The following LPAR6 variants were observed in gnomAD, a reference collection of about 807,000 sequenced individuals.
LPAR6 encodes the protein lysophosphatidic acid receptor 6, also known as G-protein coupled purinergic receptor P2Y5.
Under a neutral mutation model 22.0 loss-of-function variants are expected in LPAR6, and 17 were observed. That is an observed-to-expected ratio of 0.77 (90% CI 0.53 to 1.16). The LOEUF (loss-of-function observed/expected upper bound fraction) is 1.16, where lower values mean the gene tolerates loss of function less well. Among genes scored for constraint, LPAR6 ranks in the 50% most tolerant of loss-of-function variants. LPAR6 has a pLI of 0.00. For missense variants in LPAR6, 384 were observed against 406.9 expected, an observed-to-expected ratio of 0.94 and a Z score of 0.48; for synonymous variants, 136 against 139.8, an observed-to-expected ratio of 0.97 and a Z score of 0.19.
chr13:48,409,868 C>G (rs985932482), downstream of LPAR6, among the ~76,000 whole-genome samples: 1 of 151,844 alleles, frequency 6.6e-6, no homozygotes, highest in Non-Finnish European at 1.5e-5. Context: ...TGTGAACCAC[C>G]GTGCCCGGCC....
intron 1 of LPAR6, among the ~76,000 whole-genome samples, chr13:48,400,648 G>A (rs1948683967): frequency 6.6e-6 from 1 of 152,062 alleles, no homozygotes; most frequent in Non-Finnish European, 1.5e-5. Flanking sequence ...GAGACCTGAG[G>A]TCCAGAGATG....
chr13:48,389,944 C>T (rs192092819), intron 1 of LPAR6: 1 of 152,292 alleles, frequency 6.6e-6, no homozygotes, highest in Admixed American at 6.5e-5. Context: ...TGCTTGAGCC[C>T]GAGTTCAAGA....
intron 1 of LPAR6, among the ~76,000 whole-genome samples, chr13:48,423,260 G>C (rs1949032121): frequency 6.6e-6 from 1 of 152,014 alleles, no homozygotes; most frequent in Non-Finnish European, 1.5e-5. Context: ...TGCTGGGTTG[G>C]GTTTTTGTTT....
chr13:48,404,549 G>A (rs1003415091), intron 1 of LPAR6, among the ~76,000 whole-genome samples: 2 of 151,844 alleles, frequency 1.3e-5, no homozygotes, highest in African/African-American at 4.8e-5. Context: ...TTTTTTTAAT[G>A]ACAGTCTCGC....
rs145540270 is a variant in LPAR6 at position 48,439,816 on chromosome 13, A to G, written c.-1474+4737T>C. 3 of 152,300 alleles carry G rather than the reference A, an allele frequency of 2.0e-5. No homozygotes were observed. In the East Asian group the frequency reaches 5.8e-4, roughly 29 times the overall value. The allele number at this position is 152,300 out of a possible 1,614,324, so 9.4% of individuals were successfully genotyped here. A position where few individuals can be genotyped will look rare whatever the true frequency, so the allele number is the denominator to read the frequency against. ...TTGAAAGAAGGCCTTTTTGAACCTA[A>G]GAAGACAAGAAATTGAACTGTTATC... On this transcript the variant is annotated intron_variant, in intron 1 of 6. Transcript: ENST00000378434.
chr13:48,417,396 A>G (rs1433740054), upstream of LPAR6: 1 of 152,224 alleles, frequency 6.6e-6, no homozygotes. Context: ...AACAAAAAGG[A>G]CTTCCACACA....
At chr13:48,419,702 G>T (rs1249127793) in intron 2 of LPAR6, among the ~76,000 whole-genome samples, 1 of 152,036 alleles carries the variant, frequency 6.6e-6, no homozygotes, top group African/African-American at 2.4e-5. Context: ...ATGCTAAAGG[G>T]GATATCACCA....
upstream of LPAR6, among the ~76,000 whole-genome samples, chr13:48,415,405 G>A (rs1192832995): frequency 2.0e-5 from 3 of 151,274 alleles, no homozygotes; most frequent in East Asian, 1.9e-4. Flanking sequence ...TCAGCCTCCC[G>A]AGTAGCTGGG....
chr13:48,423,298 G>A (rs1405128358), intron 1 of LPAR6, among the ~76,000 whole-genome samples: 2 of 151,988 alleles, frequency 1.3e-5, no homozygotes, highest in African/African-American at 2.4e-5. Context: ...TTTTTGAGAC[G>A]GAGTCTTGCT....
upstream of LPAR6, chr13:48,417,465 TGAG>T (rs902041525): frequency 7.9e-5 from 12 of 152,228 alleles, no homozygotes; most frequent in African/African-American, 2.9e-4. Flanking sequence ...TCCATGAAGA[TGAG>T]GAAAAACCAG....
chr13:48,432,039 A>G (rs952658994), intron 1 of LPAR6, among the ~76,000 whole-genome samples: 2 of 152,142 alleles, frequency 1.3e-5, no homozygotes, highest in African/African-American at 4.8e-5. Context: ...CAATTATACA[A>G]CTGGTCATAT....
downstream of LPAR6, among the ~76,000 whole-genome samples, chr13:48,409,856 G>T (rs1227944004): frequency 6.6e-6 from 1 of 152,024 alleles, no homozygotes; most frequent in South Asian, 2.1e-4. Context: ...TAGGATTACA[G>T]GTGTGAACCA....
upstream of LPAR6, among the ~76,000 whole-genome samples, chr13:48,414,215 T>G (rs1948868430): frequency 6.6e-6 from 1 of 151,898 alleles, no homozygotes; most frequent in Non-Finnish European, 1.5e-5. Context: ...AGGGCAATAG[T>G]GCGTGCCTGT....
chr13:48,423,557 G>T (rs2854344), intron 1 of LPAR6, among the ~76,000 whole-genome samples: 2 of 152,036 alleles, frequency 1.3e-5, no homozygotes, highest in African/African-American at 2.4e-5. Context: ...ATAAGACACC[G>T]TGTTCTTTTA....
intron 1 of LPAR6, among the ~76,000 whole-genome samples, chr13:48,432,108 G>C (rs1451929017): frequency 1.3e-5 from 2 of 152,126 alleles, no homozygotes; most frequent in African/African-American, 4.8e-5. Context: ...GGCTTTTACT[G>C]TTCTACATAG....
chr13:48,442,508 C>G (rs403390), intron 1 of LPAR6, among the ~76,000 whole-genome samples: 119,049 of 152,134 alleles, frequency 0.78, 52,285 homozygotes, highest in Non-Finnish European at 0.97. Flanking sequence ...TCTTTGGATT[C>G]AGAAGGTAAC....
intron 1 of LPAR6, among the ~76,000 whole-genome samples, chr13:48,390,858 G>T (rs1470570466): frequency 2.6e-5 from 4 of 152,088 alleles, no homozygotes; most frequent in South Asian, 2.1e-4. Flanking sequence ...TATTCTTAAA[G>T]AAGTGATTTT....
Position 48,412,669 on chromosome 13 carries a change from G to C in LPAR6, c.-246C>G. 3 of 537,196 alleles carry C rather than the reference G, an allele frequency of 5.6e-6. No homozygotes were observed. The South Asian group carries it at 6.4e-5, about 11-fold the overall frequency. 33.3% of individuals were successfully genotyped at this position (537,196 alleles called of 1,614,324 possible). A position where few individuals can be genotyped will look rare whatever the true frequency, so the allele number is the denominator to read the frequency against. On this transcript the variant is annotated 5_prime_UTR_variant, in exon 1 of 1. Transcript: ENST00000620633. ...ATTTGTTAGTCTTTAGAAAATCCATGAATTCCAAGGCTCAGTTAACTGACG... is the reference window on the plus strand; with the variant it reads ...ATTTGTTAGTCTTTAGAAAATCCATCAATTCCAAGGCTCAGTTAACTGACG...
At chr13:48,435,655 C>G (rs1949175847) in intron 1 of LPAR6, among the ~76,000 whole-genome samples, 1 of 151,952 alleles carries the variant, frequency 6.6e-6, no homozygotes, top group Non-Finnish European at 1.5e-5. Flanking sequence ...GAAGATTTTC[C>G]CTTATACTTA....
Sources: gnomAD v4.1 joint callset for allele counts (sites outside exome capture counted in the v4.1 genomes callset) on GRCh38, gnomAD v4.1.1 for gene constraint, MANE v1.5 for transcripts, NCBI Gene and HGNC (gene_info 2026-07-23, HGNC 2026-07-21) for gene names.